Variants in KCTD18 observed in about 807,000 individuals in gnomAD.
KCTD18 encodes BTB/POZ domain-containing protein KCTD18.
KCTD18 carries 22 observed loss-of-function variants against 30.4 expected under a neutral mutation model. That is an observed-to-expected ratio of 0.72 (90% CI 0.52 to 1.03). The LOEUF (loss-of-function observed/expected upper bound fraction) is 1.03. KCTD18 is among the 50% of genes least tolerant of loss of function. The probability of loss-of-function intolerance (pLI) is 0.00; values close to 1 mark genes in which losing one functional copy is unlikely to be tolerated. For missense variants in KCTD18, 529 were observed against 547.6 expected (o/e 0.97, Z 0.34); for synonymous variants, 186 against 209.0 (o/e 0.89, Z 0.95).
intron 2 of KCTD18, 39 bp downstream of exon 2, chr2:200,506,818 T>C (rs760433448): frequency 6.3e-7 from 1 of 1,595,378 alleles, no homozygotes; most frequent in South Asian, 1.1e-5. Context: ...CTGGTGTTAA[T>C]AAATATTCAG....
intron 3 of KCTD18, among the ~76,000 whole-genome samples, chr2:200,503,487 G>A (rs1454359127): frequency 1.3e-5 from 2 of 152,186 alleles, no homozygotes; most frequent in Non-Finnish European, 2.9e-5. Flanking sequence ...TTGGCTGACA[G>A]CATGAATGTG....
chr2:200,492,261 T>C (rs1242475441), intron 6 of KCTD18, among the ~76,000 whole-genome samples: 1 of 152,168 alleles, frequency 6.6e-6, no homozygotes, highest in African/African-American at 2.4e-5. Context: ...ACCCTTGGCC[T>C]CTACCTTCTA....
intron 6 of KCTD18, 31 bp downstream of exon 6, chr2:200,493,136 AAAAAC>A: frequency 7.6e-7 from 1 of 1,317,272 alleles, no homozygotes. Context: ...CAGCGATTAA[AAAAAC>A]AAAACAAATA....
chr2:200,507,207 T>A (rs2030249308), intron 1 of KCTD18, 116 bp from the exon 2 acceptor site: 1 of 412,158 alleles, frequency 2.4e-6, no homozygotes, highest in Non-Finnish European at 4.2e-6. Context: ...CATTATTGAA[T>A]TGAAGGATTT....
In KCTD18 at chr2:200,488,968, A is replaced by G. The variant is rs965480727; in HGVS notation, c.*1132T>C. 4 of 152,224 alleles carry G rather than the reference A, an allele frequency of 2.6e-5. No homozygotes were observed. The highest frequency in any genetic ancestry group is 4.1e-4 in the South Asian group (2 of 4,832). 9.4% of individuals were successfully genotyped at this position (152,224 alleles called of 1,614,324 possible). A position where few individuals can be genotyped will look rare whatever the true frequency, so the allele number is the denominator to read the frequency against. ...CACAGAAAATACCACTTTTTATGGA[A>G]AAGTTTTATTTGATTTTGTAAAACG... On this transcript the variant is annotated 3_prime_UTR_variant, in exon 7 of 7. Coordinates refer to ENST00000359878, the MANE Select transcript of KCTD18 (RefSeq NM_152387.4).
At chr2:200,499,126 A>G in intron 3 of KCTD18, 42 bp from the exon 4 acceptor site, 1 of 1,425,902 alleles carries the variant, frequency 7.0e-7, no homozygotes, top group Non-Finnish European at 9.5e-7. Flanking sequence ...TTAATTCTAG[A>G]GTAAAATAAA....
intron 1 of KCTD18, among the ~76,000 whole-genome samples, chr2:200,509,255 T>C (rs2030381613): frequency 6.6e-6 from 1 of 151,974 alleles, no homozygotes; most frequent in South Asian, 2.1e-4. Flanking sequence ...GCTAGTAGGT[T>C]GTGGAGCCAG....
intron 3 of KCTD18, among the ~76,000 whole-genome samples, chr2:200,504,134 T>G (rs2030023354): frequency 6.6e-6 from 1 of 152,322 alleles, no homozygotes. Context: ...AATACCACTA[T>G]GCCCTCACAT....
At chr2:200,490,701 A>G in intron 6 of KCTD18, 85 bp from the exon 7 acceptor site, 1 of 1,423,408 alleles carries the variant, frequency 7.0e-7, no homozygotes. Flanking sequence ...TTCAGCATTA[A>G]CAGAAAGGTT....
chr2:200,499,116 T>G (rs781034916), intron 3 of KCTD18, 32 bp from the exon 4 acceptor site: 3 of 1,480,250 alleles, frequency 2.0e-6, no homozygotes, highest in African/African-American at 2.9e-5. Flanking sequence ...AAATTTGAAT[T>G]TAATTCTAGA....
intron 2 of KCTD18, among the ~76,000 whole-genome samples, chr2:200,505,216 A>T (rs565688929): frequency 8.1e-4 from 123 of 152,354 alleles, no homozygotes; most frequent in Non-Finnish European, 1.1e-3. Context: ...GATGTGTGGG[A>T]CAATCACCTG....
At chr2:200,505,440 G>T (rs189599650) in intron 2 of KCTD18, among the ~76,000 whole-genome samples, 3 of 152,306 alleles carry the variant, frequency 2.0e-5, no homozygotes, top group African/African-American at 7.2e-5. Flanking sequence ...TGTACACAAA[G>T]AAACTGAATG....
At chr2:200,505,041 C>T (rs553715640) in intron 2 of KCTD18, 82 bp from the exon 3 acceptor site, 3 of 989,848 alleles carry the variant, frequency 3.0e-6, no homozygotes, top group East Asian at 2.6e-5. Flanking sequence ...GGTCTGAGGA[C>T]CTCTACAATT....
In KCTD18 at chr2:200,509,662, G is replaced by C. The variant is rs2030411657; in HGVS notation, c.-110C>G. On this transcript the variant is annotated 5_prime_UTR_variant, in exon 1 of 7. Coordinates refer to ENST00000359878, the MANE Select transcript of KCTD18 (RefSeq NM_152387.4). ...AACCATCAGGGACGCTTGGGAAAAC[G>C]AAGACACTCCGGCCACAGCACACAG... 6.6e-6 allele frequency: 1 copy of C among 152,294 alleles called. No homozygotes were observed. Among genetic ancestry groups the C allele is most frequent in the Non-Finnish European group, 1.5e-5 (1 of 68,154 alleles). 9.4% of individuals were successfully genotyped at this position (152,294 alleles called of 1,614,324 possible).
intron 5 of KCTD18, chr2:200,495,942 A>G (rs1157113565): frequency 2.0e-5 from 3 of 152,048 alleles, no homozygotes; most frequent in African/African-American, 7.2e-5. Context: ...AGTTATTTAT[A>G]TCCTACTGCT....
chr2:200,508,086 TG>T (rs373611784), intron 1 of KCTD18, among the ~76,000 whole-genome samples: 84 of 152,242 alleles, frequency 5.5e-4, no homozygotes, highest in African/African-American at 1.9e-3. Context: ...AGGGAAGTTT[TG>T]GGGGGTTTTT....
rs1189137941 is a variant in KCTD18, at chr2:200,510,027, C to T, written c.-475G>A. On this transcript the variant is annotated 5_prime_UTR_variant, in exon 1 of 7. Coordinates refer to ENST00000359878, the MANE Select transcript of KCTD18 (RefSeq NM_152387.4). ...CAGACTGACCTGCGGCCCGCCAGAC[C>T]CTCGGCGCGGCCGCCGGACGCCGCG... 7 of 152,114 alleles carry T rather than the reference C, an allele frequency of 4.6e-5. No homozygotes were observed. Among genetic ancestry groups the T allele is most frequent in the East Asian group, 3.9e-4 (2 of 5,188 alleles). The allele number at this position is 152,114 out of a possible 1,614,324, so 9.4% of individuals were successfully genotyped here.
intron 6 of KCTD18, among the ~76,000 whole-genome samples, chr2:200,492,591 A>G (rs1161381964): frequency 1.3e-5 from 2 of 152,230 alleles, no homozygotes; most frequent in African/African-American, 2.4e-5. Flanking sequence ...ATTGTAGAAC[A>G]TGTGATCAAG....
chr2:200,498,518 T>A (rs1165369890), intron 4 of KCTD18, among the ~76,000 whole-genome samples: 1 of 152,226 alleles, frequency 6.6e-6, no homozygotes, highest in Non-Finnish European at 1.5e-5. Context: ...CCTGAGTCAC[T>A]CAGTAGGCCT....
Sources: allele counts gnomAD v4.1 joint callset (sites outside exome capture counted in the v4.1 genomes callset), GRCh38; gene constraint gnomAD v4.1.1; transcripts MANE v1.5; gene names NCBI Gene and HGNC (gene_info 2026-07-23, HGNC 2026-07-21).